Variants in PRKCB observed in about 807,000 individuals in gnomAD.
PRKCB encodes the protein protein kinase C beta type.
In PRKCB, 13 loss-of-function variants were observed where a neutral mutation model predicts 81.5. The ratio of observed to expected loss-of-function variants is 0.16; its 90% CI spans 0.10 to 0.25. The LOEUF is 0.25. Among genes scored for constraint, PRKCB ranks in the 10% least tolerant of loss-of-function variants. The pLI, the probability that PRKCB is intolerant of heterozygous loss-of-function variation, is 1.00. For synonymous variants in PRKCB, 335 were observed against 321.4 expected (o/e 1.04, Z -0.45); for missense variants, 509 against 875.7 (o/e 0.58, Z 5.29).
intron 2 of PRKCB, among the ~76,000 whole-genome samples, chr16:23,967,331 G>A (rs770206572): frequency 6.6e-6 from 1 of 152,234 alleles, no homozygotes; most frequent in Non-Finnish European, 1.5e-5. Flanking sequence ...AAGACAAAAG[G>A]ATGGAAGCAG....
chr16:24,216,779 G>A lies in PRKCB; in HGVS notation c.*1963G>A. On this transcript the variant is annotated 3_prime_UTR_variant, in exon 17 of 17. Coordinates refer to ENST00000643927, the MANE Select transcript of PRKCB (RefSeq NM_002738.7). ...GGCAGTAAGAGAAGGAGGGAAATCG[G>A]AGCAAAGCTCCCTCACTTTATTGTT... 1 of 985,442 alleles carries A rather than the reference G, an allele frequency of 1.0e-6. No individual in the cohort carries two copies. The highest frequency in any genetic ancestry group is 1.2e-6 in the Non-Finnish European group (1 of 829,944). The allele number at this position is 985,442 out of a possible 1,614,324, so 61.0% of individuals were successfully genotyped here.
intron 9 of PRKCB, among the ~76,000 whole-genome samples, chr16:24,143,894 T>G (rs1966946450): frequency 6.6e-6 from 1 of 152,208 alleles, no homozygotes; most frequent in Non-Finnish European, 1.5e-5. Context: ...GGTCTCTTCT[T>G]CCTTGCCTCC....
intron 2 of PRKCB, among the ~76,000 whole-genome samples, chr16:23,906,486 T>C (rs1479208091): frequency 1.3e-5 from 2 of 152,204 alleles, no homozygotes; most frequent in Non-Finnish European, 2.9e-5. Flanking sequence ...TATTATGGAT[T>C]TTTTAAACTC....
At chr16:23,951,217 T>C (rs1306157925) in intron 2 of PRKCB, among the ~76,000 whole-genome samples, 1 of 152,256 alleles carries the variant, frequency 6.6e-6, no homozygotes, top group Non-Finnish European at 1.5e-5. Flanking sequence ...GGTGCTCTAC[T>C]AGACCTGCGT....
intron 8 of PRKCB, 43 bp downstream of exon 8, chr16:24,113,112 C>G (rs558470977): frequency 1.1e-5 from 16 of 1,497,064 alleles, no homozygotes; most frequent in Admixed American, 1.8e-5. Context: ...TTTTCTCTTT[C>G]TTTTTTCCTT....
intron 2 of PRKCB, among the ~76,000 whole-genome samples, chr16:23,866,876 A>G (rs140088821): frequency 1.0e-3 from 159 of 152,242 alleles, no homozygotes; most frequent in Admixed American, 2.0e-3. Flanking sequence ...TGATGGGAGA[A>G]AAATGGCATT....
intron 3 of PRKCB, among the ~76,000 whole-genome samples, chr16:23,989,760 C>T (rs375568321): frequency 6.6e-6 from 1 of 152,148 alleles, no homozygotes; most frequent in South Asian, 2.1e-4. Flanking sequence ...GCCTACCCAG[C>T]AGCCATTCAC....
At chr16:24,021,115 C>CTTTCTTTCTTTCTTTCTTTTTT (rs1375631928) in intron 3 of PRKCB, among the ~76,000 whole-genome samples, 1 of 93,846 alleles carries the variant, frequency 1.1e-5, no homozygotes, top group South Asian at 3.7e-4. Flanking sequence ...TTCCTTCTCT[C>CTTTCTTTCTTTCTTTCTTTTTT]TCTTTCTTTC....
chr16:23,995,773 C>A lies in PRKCB; in HGVS notation c.288+7183C>A, dbSNP rs538102774. Among the ~76,000 whole-genome samples, 6 of 152,332 alleles carry A rather than the reference C, an allele frequency of 3.9e-5. No individual in the cohort carries two copies. In the East Asian group the frequency reaches 9.6e-4, roughly 24 times the overall value. On this transcript the variant is annotated intron_variant, in intron 3 of 16. Transcript: ENST00000643927. ...CTCCCCACTCTTGCTACCCTGCCTT[C>A]TCTCTCCCAACTTGCACCTTTGGGC...
chr16:23,925,271 T>C (rs1963880611), intron 2 of PRKCB, among the ~76,000 whole-genome samples: 1 of 152,120 alleles, frequency 6.6e-6, no homozygotes, highest in Non-Finnish European at 1.5e-5. Context: ...TGCCCTACAA[T>C]GGGGTCCCCA....
intron 9 of PRKCB, among the ~76,000 whole-genome samples, chr16:24,135,891 T>C (rs2141939374): frequency 6.6e-6 from 1 of 152,316 alleles, no homozygotes; most frequent in South Asian, 2.1e-4. Context: ...CACCATATGG[T>C]GAGTTCCTTT....
intron 2 of PRKCB, among the ~76,000 whole-genome samples, chr16:23,939,654 C>CA (rs1964112299): frequency 1.3e-5 from 2 of 152,014 alleles, no homozygotes; most frequent in Admixed American, 1.3e-4. Flanking sequence ...ATTTATTGGC[C>CA]AAAAAATGAA....
At chr16:23,977,407 T>A (rs1160498198) in intron 2 of PRKCB, among the ~76,000 whole-genome samples, 1 of 152,128 alleles carries the variant, frequency 6.6e-6, no homozygotes, top group Non-Finnish European at 1.5e-5. Context: ...CACAGCCCCA[T>A]TAAATCAGAA....
intron 5 of PRKCB, among the ~76,000 whole-genome samples, chr16:24,066,093 G>GTGTT (rs961843805): frequency 7.9e-5 from 12 of 151,662 alleles, no homozygotes; most frequent in Non-Finnish European, 1.8e-4. Flanking sequence ...GTGTGTGTGT[G>GTGTT]TGTGTGTGTG....
At chr16:23,998,930 A>G (rs1347299400) in intron 3 of PRKCB, among the ~76,000 whole-genome samples, 1 of 152,220 alleles carries the variant, frequency 6.6e-6, no homozygotes, top group Non-Finnish European at 1.5e-5. Flanking sequence ...TGCCTTGAGC[A>G]TGAGGAGAGC....
intron 1 of PRKCB, 40 bp downstream of exon 1, chr16:23,836,388 G>A: frequency 3.1e-6 from 5 of 1,587,752 alleles, no homozygotes; most frequent in Non-Finnish European, 4.3e-6. Flanking sequence ...GGGCCCCCGA[G>A]GGCAGCGCCG....
chr16:23,972,491 A>G (rs1195284087), intron 2 of PRKCB, among the ~76,000 whole-genome samples: 7 of 152,166 alleles, frequency 4.6e-5, no homozygotes. Context: ...CACCATCCAC[A>G]TTTTATCTAT....
chr16:23,935,222 G>A (rs1440332864), intron 2 of PRKCB, among the ~76,000 whole-genome samples: 2 of 152,158 alleles, frequency 1.3e-5, no homozygotes, highest in African/African-American at 2.4e-5. Flanking sequence ...GTGAAAGCAG[G>A]CTGTCTGGGA....
chr16:23,943,209 C>T (rs144761084), intron 2 of PRKCB, among the ~76,000 whole-genome samples: 1 of 152,232 alleles, frequency 6.6e-6, no homozygotes, highest in African/African-American at 2.4e-5. Flanking sequence ...TGATCATCTA[C>T]CTTAGGGTGG....
Sources: gnomAD v4.1 joint callset for allele counts (sites outside exome capture counted in the v4.1 genomes callset) on GRCh38, gnomAD v4.1.1 for gene constraint, MANE v1.5 for transcripts, NCBI Gene and HGNC (gene_info 2026-07-23, HGNC 2026-07-21) for gene names.